The following FAM181A variants were observed in gnomAD, a reference collection of about 807,000 sequenced individuals.
FAM181A encodes the protein protein FAM181A.
Under a neutral mutation model 16.3 loss-of-function variants are expected in FAM181A, and 7 were observed. That is an observed-to-expected ratio of 0.43 (90% CI 0.24 to 0.81). FAM181A has a LOEUF of 0.81. Ranked by LOEUF, FAM181A falls within the 30% of genes least tolerant of loss-of-function variation. The probability of loss-of-function intolerance (pLI) is 0.24; values close to 1 mark genes in which losing one functional copy is unlikely to be tolerated. For synonymous variants in FAM181A, 183 were observed against 164.9 expected (o/e 1.11, Z -0.84); for missense variants, 349 against 377.5 (o/e 0.92, Z 0.63).
intron 1 of FAM181A, among the ~76,000 whole-genome samples, chr14:93,927,914 C>G (rs1887978659): frequency 6.6e-6 from 1 of 152,140 alleles, no homozygotes; most frequent in African/African-American, 2.4e-5. Context: ...GCAATGCCAC[C>G]TGTAGCTGGG....
rs749797057 is a variant in FAM181A, at chr14:93,928,566, G to A, written c.281G>A (p.Gly94Asp). Residue 94 changes from glycine to aspartate, a missense_variant, in exon 2 of 2, where the codon GGC (glycine) becomes GAC (aspartate). By Grantham distance (94) the Gly-to-Asp change is moderately conservative. Coordinates refer to ENST00000556222, the MANE Select transcript of FAM181A (RefSeq NM_001207073.2). The stretch of plus-strand genomic sequence containing the variant: ...GATTCCAGCCCCGGCGGGGGTGGGG[G>A]CTGCAAGGAGAAGGTGCTGAGGAAC... The part of the protein sequence containing the change: ...GPDSSPGGGG[G>D]CKEKVLRNPY... 7 of 1,613,392 alleles carry A rather than the reference G, an allele frequency of 4.3e-6. No individual in the cohort carries two copies. Among genetic ancestry groups the A allele is most frequent in the Admixed American group, 1.7e-5 (1 of 60,008 alleles).
At chr14:93,920,309 G>A (rs1887675731) in intron 1 of FAM181A, among the ~76,000 whole-genome samples, 1 of 152,134 alleles carries the variant, frequency 6.6e-6, no homozygotes, top group Non-Finnish European at 1.5e-5. Flanking sequence ...TCAGCTACTT[G>A]GGACGCTGAG....
intron 1 of FAM181A, among the ~76,000 whole-genome samples, chr14:93,919,857 G>A (rs894029931): frequency 1.8e-4 from 28 of 151,866 alleles, no homozygotes; most frequent in Admixed American, 6.6e-5. Context: ...AGCACTAAGA[G>A]GCCTACATTA....
upstream of FAM181A, chr14:93,925,008 T>C (rs1219437279): frequency 4.0e-6 from 2 of 496,570 alleles, no homozygotes; most frequent in East Asian, 3.8e-5. Context: ...CTTTCCTTTC[T>C]CTCTTCCCTC....
At chr14:93,919,787 A>G (rs1887656596) in intron 1 of FAM181A, among the ~76,000 whole-genome samples, 1 of 152,350 alleles carries the variant, frequency 6.6e-6, no homozygotes, top group Non-Finnish European at 1.5e-5. Context: ...AGAAAAATGC[A>G]AACACAACAT....
chr14:93,929,151 T>A lies in FAM181A; in HGVS notation c.866T>A (p.Phe289Tyr). The change falls in exon 2 of 2, where the codon TTT becomes TAT. Residue 289 changes from phenylalanine to tyrosine, a missense_variant. Coordinates refer to ENST00000556222, the MANE Select transcript of FAM181A (RefSeq NM_001207073.2). ...PAVPPPIFNV[F>Y]GYL ...GTGCCCCCACCCATCTTCAATGTCT[T>A]TGGCTACCTCTAGCCACGCGGAGAG... 6.6e-7 allele frequency: 1 copy of A among 1,518,092 alleles called. No homozygotes were observed. 94.0% of individuals were successfully genotyped at this position (1,518,092 alleles called of 1,614,324 possible). A position where few individuals can be genotyped will look rare whatever the true frequency, so the allele number is the denominator to read the frequency against.
rs149159724 is a variant in FAM181A at position 93,921,191 on chromosome 14, A to C, written c.-225+2197A>C. On this transcript the variant is annotated intron_variant, in intron 1 of 2. Transcript: ENST00000267594. Reference sequence around the variant, plus strand: ...GAGGGTGAGTGACTACCTCAAGATCACACAGCCAGGTAGGGGCAGAGTTCA... The same window carrying C: ...GAGGGTGAGTGACTACCTCAAGATCCCACAGCCAGGTAGGGGCAGAGTTCA... 6.6e-5 allele frequency among the ~76,000 whole-genome samples: 10 copies of C among 152,356 alleles called. No homozygotes were observed. In the East Asian group the frequency reaches 1.9e-3, roughly 29 times the overall value.
rs1351792966 is a variant in FAM181A at position 93,927,706 on chromosome 14, G to T, written c.-88+252G>T. On this transcript the variant is annotated intron_variant, in intron 1 of 1. Transcript: ENST00000556222. ...GGGGGTGGAGCGTGGGGACTGAGGA[G>T]GGGGGCTGGTGCTCCTCGTGCTGGG... 1.3e-5 allele frequency: 15 copies of T among 1,185,256 alleles called. No individual in the cohort carries two copies. The South Asian group carries it at 2.0e-4, about 16-fold the overall frequency. 73.4% of individuals were successfully genotyped at this position (1,185,256 alleles called of 1,614,324 possible).
rs1888057571 is a variant in FAM181A, at chr14:93,929,136, C to T, written c.851C>T (p.Pro284Leu). 6.6e-7 allele frequency: 1 copy of T among 1,520,910 alleles called. No homozygotes were observed. Among genetic ancestry groups the T allele is most frequent in the Non-Finnish European group, 8.8e-7 (1 of 1,136,194 alleles). 94.2% of individuals were successfully genotyped at this position (1,520,910 alleles called of 1,614,324 possible). ...PIPTKPAVPP[P>L]IFNVFGYL The stretch of plus-strand genomic sequence containing the variant: ...CCCACCAAGCCAGCCGTGCCCCCAC[C>T]CATCTTCAATGTCTTTGGCTACCTC... Residue 284 changes from proline to leucine, a missense_variant, in exon 2 of 2, where the codon CCC (proline) becomes CTC (leucine). Physicochemically the swap from Pro to Leu is moderately conservative, Grantham distance 98. Transcript: ENST00000556222.
rs769443522 is a variant in FAM181A, at chr14:93,928,927, C to T, written c.642C>T (p.Cys214=). Residue 214 remains cysteine, a synonymous_variant, in exon 2 of 2, where the codon TGC becomes TGT. Coordinates refer to ENST00000556222, the MANE Select transcript of FAM181A (RefSeq NM_001207073.2). ...GCCGCGTCAATGCCTGGAGTTGCTG[C>T]CCCTTCCAGTACCATGGACAGCCCA... ...LVGRVNAWSC[C]PFQYHGQPIY... is the part of the protein sequence containing the mutation. The T allele has an allele frequency of 8.2e-5, 133 of 1,614,050 alleles. 1 individual carries two copies. In the East Asian group the frequency reaches 2.9e-3, roughly 35 times the overall value.
intron 1 of FAM181A, among the ~76,000 whole-genome samples, chr14:93,921,053 G>A (rs1887704808): frequency 6.6e-6 from 1 of 152,186 alleles, no homozygotes; most frequent in African/African-American, 2.4e-5. Context: ...GCACCGACTT[G>A]TGGCACGCTA....
rs749497077 is a variant in FAM181A, at chr14:93,928,218, T to C, written c.-68T>C. ...CCCCAGGTCAGCTCGGTGCCCTTCCTTGGAGCTGCCGGCCACCAGCAGAGC... is the reference window on the plus strand; with the variant it reads ...CCCCAGGTCAGCTCGGTGCCCTTCCCTGGAGCTGCCGGCCACCAGCAGAGC... On this transcript the variant is annotated 5_prime_UTR_variant, in exon 2 of 2. Transcript: ENST00000556222. 6.2e-7 allele frequency: 1 copy of C among 1,613,304 alleles called. No individual in the cohort carries two copies. Among genetic ancestry groups the C allele is most frequent in the African/African-American group, 1.3e-5 (1 of 74,920 alleles).
upstream of FAM181A, chr14:93,924,961 G>T: frequency 5.1e-6 from 2 of 390,342 alleles, no homozygotes; most frequent in Non-Finnish European, 9.2e-6. Context: ...CATGCTGGGT[G>T]TCCACAAAGA....
chr14:93,928,283 G>T lies in FAM181A; in HGVS notation c.-3G>T. The T allele has an allele frequency of 6.2e-7, 1 of 1,613,842 alleles. No individual in the cohort carries two copies. The highest frequency in any genetic ancestry group is 1.1e-5 in the South Asian group (1 of 91,080). On this transcript the variant is annotated 5_prime_UTR_variant, in exon 2 of 2. Transcript: ENST00000556222. ...GAAAGCCTCGTGCAGTGGCCCCCTG[G>T]TGATGGCATCCGACAGTGATGTGAA...
Position 93,928,561 on chromosome 14 carries a change from T to G in FAM181A, c.276T>G (p.Gly92=), listed in dbSNP as rs1319034569. 1.2e-6 allele frequency: 2 copies of G among 1,611,176 alleles called. No individual in the cohort carries two copies. Among genetic ancestry groups the G allele is most frequent in the Non-Finnish European group, 1.7e-6 (2 of 1,179,102 alleles). Residue 92 remains glycine, a synonymous_variant, in exon 2 of 2, where the codon GGT becomes GGG. Coordinates refer to ENST00000556222, the MANE Select transcript of FAM181A (RefSeq NM_001207073.2). ...GCCCTGATTCCAGCCCCGGCGGGGG[T>G]GGGGGCTGCAAGGAGAAGGTGCTGA... is the stretch of plus-strand genomic sequence containing the variant. ...DLGPDSSPGG[G]GGCKEKVLRN...
chr14:93,927,747 A>C, intron 1 of FAM181A: 6 of 418,114 alleles, frequency 1.4e-5, no homozygotes, highest in Non-Finnish European at 1.5e-5. Flanking sequence ...GAGTGGTGGG[A>C]GGGGGAGGCT....
chr14:93,928,110 G>T, intron 1 of FAM181A, 89 bp from the exon 2 acceptor site: 1 of 1,540,664 alleles, frequency 6.5e-7, no homozygotes, highest in East Asian at 2.3e-5. Context: ...CTGGGGTGGG[G>T]AGACTGTTTG....
chr14:93,928,853 G>A lies in FAM181A; in HGVS notation c.568G>A (p.Ala190Thr). 2 of 1,614,074 alleles carry A rather than the reference G, an allele frequency of 1.2e-6. No homozygotes were observed. The highest frequency in any genetic ancestry group is 1.7e-6 in the Non-Finnish European group (2 of 1,179,966). The change falls in exon 2 of 2, where the codon GCC becomes ACC. Residue 190 changes from alanine (A) to threonine (T), a missense_variant. Coordinates refer to ENST00000556222, the MANE Select transcript of FAM181A (RefSeq NM_001207073.2). ...ETTLVSMSPRALAEKEPLKMP... is the reference protein window; with the variant it reads ...ETTLVSMSPRTLAEKEPLKMP... ...TACCCTGGTGTCCATGTCTCCAAGGGCCCTGGCTGAAAAGGAGCCGCTCAA... is the reference window on the plus strand; with the variant it reads ...TACCCTGGTGTCCATGTCTCCAAGGACCCTGGCTGAAAAGGAGCCGCTCAA...
chr14:93,923,362 G>C (rs1887795343), upstream of FAM181A: 1 of 152,288 alleles, frequency 6.6e-6, no homozygotes, highest in Non-Finnish European at 1.5e-5. Context: ...GGTCCCTAAG[G>C]CTTGGCCTGT....
Sources: gnomAD v4.1 joint callset for allele counts (sites outside exome capture counted in the v4.1 genomes callset) on GRCh38, gnomAD v4.1.1 for gene constraint, MANE v1.5 for transcripts, NCBI Gene and HGNC (gene_info 2026-07-23, HGNC 2026-07-21) for gene names.